Variants in BABAM2 observed in about 807,000 individuals in gnomAD.
The protein encoded by BABAM2 is BRISC and BRCA1-A complex member 2.
BABAM2 carries 31 observed loss-of-function variants against 54.7 expected under a neutral mutation model. The ratio of observed to expected loss-of-function variants is 0.57; its 90% CI spans 0.43 to 0.77. The LOEUF is 0.77. Among genes scored for constraint, BABAM2 ranks in the 30% least tolerant of loss-of-function variants. The pLI, the probability that BABAM2 is intolerant of heterozygous loss-of-function variation, is 0.00. For synonymous variants in BABAM2, 167 were observed against 162.9 expected (o/e 1.03, Z -0.19); for missense variants, 364 against 455.8 (o/e 0.80, Z 1.83).
intron 7 of BABAM2, among the ~76,000 whole-genome samples, chr2:28,219,390 ACTC>A (rs1680193644): frequency 6.6e-6 from 1 of 151,590 alleles, no homozygotes; most frequent in Non-Finnish European, 1.5e-5. Context: ...TCTCTGACTC[ACTC>A]CTCTGTTTTC....
intron 6 of BABAM2, among the ~76,000 whole-genome samples, chr2:28,060,019 T>C (rs1459860183): frequency 2.0e-5 from 3 of 152,144 alleles, no homozygotes; most frequent in Non-Finnish European, 4.4e-5. Flanking sequence ...CACTACTTGA[T>C]GACAAAAATC....
chr2:28,178,782 A>G (rs1378177007), intron 7 of BABAM2, among the ~76,000 whole-genome samples: 4 of 151,970 alleles, frequency 2.6e-5, no homozygotes, highest in African/African-American at 9.7e-5. Context: ...CCAAATAAAC[A>G]AAATCAGAAA....
chr2:27,952,413 G>T (rs1292165194), intron 3 of BABAM2, among the ~76,000 whole-genome samples: 7 of 152,160 alleles, frequency 4.6e-5, no homozygotes, highest in African/African-American at 1.7e-4. Flanking sequence ...CACTGGTAAT[G>T]CTGTCTTCAT....
intron 7 of BABAM2, among the ~76,000 whole-genome samples, chr2:28,217,112 C>T (rs917472876): frequency 5.3e-5 from 8 of 151,658 alleles, no homozygotes; most frequent in African/African-American, 1.7e-4. Flanking sequence ...TATGATATTT[C>T]TGTTTCTTTC....
At chr2:28,289,780 C>T (rs1371247446) in intron 10 of BABAM2, among the ~76,000 whole-genome samples, 3 of 150,792 alleles carry the variant, frequency 2.0e-5, no homozygotes, top group Non-Finnish European at 4.4e-5. Context: ...GACAGAGAGA[C>T]TCTGTCTCAA....
intron 10 of BABAM2, among the ~76,000 whole-genome samples, chr2:28,293,686 G>A (rs1354775692): frequency 1.3e-5 from 2 of 152,170 alleles, no homozygotes; most frequent in Non-Finnish European, 2.9e-5. Flanking sequence ...AGCATTTGGT[G>A]TGACTTGTTT....
At chr2:28,171,500 G>A (rs1458682720) in intron 7 of BABAM2, among the ~76,000 whole-genome samples, 1 of 152,194 alleles carries the variant, frequency 6.6e-6, no homozygotes, top group Non-Finnish European at 1.5e-5. Flanking sequence ...TTCTGGCTAG[G>A]GAGTGGAGGG....
chr2:28,263,171 A>G, intron 10 of BABAM2, among the ~76,000 whole-genome samples: 1 of 150,458 alleles, frequency 6.6e-6, no homozygotes, highest in South Asian at 2.1e-4. Context: ...GAAGGAGAGG[A>G]GGAGAGGGGA....
intron 11 of BABAM2, among the ~76,000 whole-genome samples, chr2:28,323,254 C>T (rs945555395): frequency 1.3e-5 from 2 of 152,150 alleles, no homozygotes; most frequent in African/African-American, 4.8e-5. Context: ...GTGGAAGGAA[C>T]ATGAGCAGGA....
At position 28,083,723 on chromosome 2, in the gene BABAM2, C is replaced by G. The variant is rs1013458886; in HGVS notation, c.570+37924C>G. ...CTAGCAGTGTTTGTGTTCCTGAGGT[C>G]TGATTTGGCCTGTGGGTAACTAGAT... is the stretch of plus-strand genomic sequence containing the variant. On this transcript the variant is annotated intron_variant, in intron 6 of 11. Transcript: ENST00000379624. Among the ~76,000 whole-genome samples, 11 of 152,068 alleles carry G rather than the reference C, an allele frequency of 7.2e-5. No homozygotes were observed. The South Asian group carries it at 1.9e-3, about 26-fold the overall frequency.
intron 7 of BABAM2, among the ~76,000 whole-genome samples, chr2:28,232,604 AACATAC>A (rs1274896801): frequency 6.6e-6 from 1 of 152,364 alleles, no homozygotes; most frequent in East Asian, 1.9e-4. Flanking sequence ...CTAGGCTACA[AACATAC>A]ACAGCATGTT....
At chr2:28,200,609 T>C (rs1678158041) in intron 7 of BABAM2, among the ~76,000 whole-genome samples, 1 of 152,230 alleles carries the variant, frequency 6.6e-6, no homozygotes, top group South Asian at 2.1e-4. Context: ...AATAACTTTC[T>C]CTTGCTCCCT....
At chr2:28,267,901 G>T (rs768038544) in intron 10 of BABAM2, among the ~76,000 whole-genome samples, 2 of 152,204 alleles carry the variant, frequency 1.3e-5, no homozygotes, top group Non-Finnish European at 2.9e-5. Context: ...AGTTGTAGTT[G>T]AAACTAGAAG....
intron 10 of BABAM2, among the ~76,000 whole-genome samples, chr2:28,256,693 C>CT (rs34881415): frequency 0.58 from 71,441 of 122,786 alleles, 22,840 homozygotes; most frequent in East Asian, 0.96. Context: ...TGGCTCACTT[C>CT]TTTTTTTTTT....
chr2:27,922,426 G>C (rs1341807054), intron 2 of BABAM2, among the ~76,000 whole-genome samples: 1 of 152,094 alleles, frequency 6.6e-6, no homozygotes, highest in Non-Finnish European at 1.5e-5. Flanking sequence ...AGGTTCTTAC[G>C]CTCAGCATTT....
chr2:28,022,061 G>C (rs1407263849), intron 4 of BABAM2, among the ~76,000 whole-genome samples: 1 of 152,170 alleles, frequency 6.6e-6, no homozygotes, highest in South Asian at 2.1e-4. Context: ...ATAAGGAGGA[G>C]CTCTGAGGAT....
chr2:28,215,390 C>T (rs1679837202), intron 7 of BABAM2, among the ~76,000 whole-genome samples: 1 of 152,152 alleles, frequency 6.6e-6, no homozygotes, highest in Non-Finnish European at 1.5e-5. Flanking sequence ...TAAGAGGCTT[C>T]ATACTTATGG....
intron 5 of BABAM2, among the ~76,000 whole-genome samples, chr2:28,034,362 G>A (rs185472713): frequency 3.9e-5 from 6 of 152,254 alleles, no homozygotes; most frequent in African/African-American, 9.6e-5. Flanking sequence ...GATTAAATTA[G>A]ATCTTGTGTG....
chr2:28,292,077 T>G (rs1278986061), intron 10 of BABAM2, among the ~76,000 whole-genome samples: 1 of 152,172 alleles, frequency 6.6e-6, no homozygotes, highest in African/African-American at 2.4e-5. Context: ...CTGAGAGGAC[T>G]GGAAATGGGA....
Sources: allele counts gnomAD v4.1 joint callset (sites outside exome capture counted in the v4.1 genomes callset), GRCh38; gene constraint gnomAD v4.1.1; transcripts MANE v1.5; gene names NCBI Gene and HGNC (gene_info 2026-07-23, HGNC 2026-07-21).